PCDH9: variants seen among roughly 807,000 people sequenced by gnomAD.
PCDH9 encodes protocadherin-9.
Under a neutral mutation model 70.6 loss-of-function variants are expected in PCDH9, and 24 were observed. The ratio of observed to expected loss-of-function variants is 0.34; its 90% CI spans 0.25 to 0.48. PCDH9 has a LOEUF of 0.48. PCDH9 is among the 20% of genes least tolerant of loss of function. The pLI, the probability that PCDH9 is intolerant of heterozygous loss-of-function variation, is 0.99. For synonymous variants in PCDH9, 562 were observed against 558.5 expected, an observed-to-expected ratio of 1.01 and a Z score of -0.09; for missense variants, 1,281 against 1,503.6, an observed-to-expected ratio of 0.85 and a Z score of 2.45.
intron 3 of PCDH9, among the ~76,000 whole-genome samples, chr13:66,744,018 T>C (rs912474118): frequency 6.6e-6 from 1 of 152,134 alleles, no homozygotes; most frequent in Non-Finnish European, 1.5e-5. Flanking sequence ...AGGCCATACG[T>C]GCATAAAAAG....
chr13:66,462,197 C>T (rs116821872), intron 4 of PCDH9, among the ~76,000 whole-genome samples: 2,231 of 151,882 alleles, frequency 0.015, 48 homozygotes, highest in African/African-American at 0.05. Flanking sequence ...AAACTGCACA[C>T]AGTGCTATAG....
chr13:66,950,854 A>G (rs1243341340), intron 2 of PCDH9, among the ~76,000 whole-genome samples: 2 of 152,128 alleles, frequency 1.3e-5, no homozygotes, highest in Non-Finnish European at 2.9e-5. Flanking sequence ...TCCATCTGTC[A>G]TATGGCATAG....
At chr13:66,921,309 T>C (rs1035238140) in intron 2 of PCDH9, among the ~76,000 whole-genome samples, 1 of 151,208 alleles carries the variant, frequency 6.6e-6, no homozygotes, top group Non-Finnish European at 1.5e-5. Context: ...ATGGGAACTA[T>C]GCAAGCAGAC....
chr13:67,192,455 G>A (rs1211566278), intron 2 of PCDH9, among the ~76,000 whole-genome samples: 2 of 152,142 alleles, frequency 1.3e-5, no homozygotes, highest in Non-Finnish European at 2.9e-5. Context: ...CTTTTTGGCT[G>A]CATATATATT....
intron 4 of PCDH9, among the ~76,000 whole-genome samples, chr13:66,543,812 A>C (rs2138663799): frequency 6.6e-6 from 1 of 152,294 alleles, no homozygotes. Flanking sequence ...GCTGTGCTAC[A>C]AGAGCTTTGT....
rs183508868 is a variant in PCDH9 at position 67,160,404 on chromosome 13, G to A, written c.3036+65001C>T. ...ACTAAAAATACAAAAAAAATTAGCC[G>A]GGCGTGGTGGCGGGCGCCTGTAGTC... is the stretch of plus-strand genomic sequence containing the variant. On this transcript the variant is annotated intron_variant, in intron 2 of 4. Coordinates refer to ENST00000377865, the MANE Select transcript of PCDH9 (RefSeq NM_203487.3). 1.1e-3 allele frequency among the ~76,000 whole-genome samples: 161 copies of A among 152,056 alleles called. 1 individual carries two copies. Among genetic ancestry groups the A allele is most frequent in the African/African-American group, 3.7e-3 (152 of 41,496 alleles).
At position 66,607,274 on chromosome 13, in the gene PCDH9, A is replaced by G. The variant is rs150775650; in HGVS notation, c.3340+23936T>C. Among the ~76,000 whole-genome samples, 151 of 152,234 alleles carry G rather than the reference A, an allele frequency of 9.9e-4. 4 individuals are homozygous for G. The East Asian group carries it at 0.027, about 28-fold the overall frequency. ...TTCAGTTTTTTCATGTGAAAATGAT[A>G]TGTACTTAATTGATAAGTATGAGAA... is the stretch of plus-strand genomic sequence containing the variant. On this transcript the variant is annotated intron_variant, in intron 4 of 4. Coordinates refer to ENST00000377865, the MANE Select transcript of PCDH9 (RefSeq NM_203487.3).
intron 2 of PCDH9, among the ~76,000 whole-genome samples, chr13:66,961,788 C>T (rs2083350560): frequency 6.6e-6 from 1 of 152,086 alleles, no homozygotes; most frequent in Non-Finnish European, 1.5e-5. Flanking sequence ...TGCGGTGGCT[C>T]ATACCTGTAA....
chr13:67,065,131 C>G (rs2085621834), intron 2 of PCDH9, among the ~76,000 whole-genome samples: 1 of 152,062 alleles, frequency 6.6e-6, no homozygotes, highest in Non-Finnish European at 1.5e-5. Context: ...TGTCAGAAAA[C>G]TAGAGTGAAG....
chr13:66,790,119 T>C (rs2080141168), intron 3 of PCDH9, among the ~76,000 whole-genome samples: 1 of 152,138 alleles, frequency 6.6e-6, no homozygotes, highest in Non-Finnish European at 1.5e-5. Context: ...CTTAACAATG[T>C]AAGACAAATT....
At chr13:66,874,784 G>T (rs916896648) in intron 3 of PCDH9, among the ~76,000 whole-genome samples, 1 of 152,074 alleles carries the variant, frequency 6.6e-6, no homozygotes, top group East Asian at 1.9e-4. Flanking sequence ...AGGCTTGAAG[G>T]CTTCTCTAAA....
Position 67,227,858 on chromosome 13 carries a change from T to C in PCDH9, c.583A>G (p.Thr195Ala). The part of the protein sequence containing the change: ...QSVFGLDIVE[T>A]PEGEKWPQLI... ...TGTGGCCACTTCTCTCCCTCTGGAGTTTCCACGATATCCAGTCCAAAAACA... is the reference window on the plus strand; with the variant it reads ...TGTGGCCACTTCTCTCCCTCTGGAGCTTCCACGATATCCAGTCCAAAAACA... The change falls in exon 2 of 5, where the codon ACT (threonine) becomes GCT (alanine). Residue 195 changes from threonine (T) to alanine (A), a missense_variant. This residue lies in a region of PCDH9 where 798 missense variants were observed against 1,003.1 expected (regional missense o/e 0.80). Coordinates refer to ENST00000377865, the MANE Select transcript of PCDH9 (RefSeq NM_203487.3). The surrounding 1 kb of genome is among the most constrained non-coding windows in gnomAD (Gnocchi z 4.6). The C allele has an allele frequency of 6.2e-7, 1 of 1,613,950 alleles. No individual in the cohort carries two copies. Among genetic ancestry groups the C allele is most frequent in the Non-Finnish European group, 8.5e-7 (1 of 1,179,902 alleles).
intron 4 of PCDH9, among the ~76,000 whole-genome samples, chr13:66,589,109 C>G (rs1364030186): frequency 6.6e-6 from 1 of 151,908 alleles, no homozygotes; most frequent in Non-Finnish European, 1.5e-5. Flanking sequence ...TAAATATGTC[C>G]TATTCTTTAA....
chr13:66,648,743 G>C (rs1462334902), intron 3 of PCDH9, among the ~76,000 whole-genome samples: 2 of 151,930 alleles, frequency 1.3e-5, no homozygotes, highest in Non-Finnish European at 2.9e-5. Context: ...AGGCATCAAG[G>C]ATCAATCCTG....
chr13:66,390,909 G>A (rs908682575), intron 4 of PCDH9, among the ~76,000 whole-genome samples: 3 of 152,058 alleles, frequency 2.0e-5, no homozygotes, highest in Non-Finnish European at 4.4e-5. Flanking sequence ...AGCATGCCAA[G>A]GCAGTTTTCC....
chr13:66,643,530 A>G (rs2077734862), intron 3 of PCDH9, among the ~76,000 whole-genome samples: 2 of 152,034 alleles, frequency 1.3e-5, no homozygotes, highest in Non-Finnish European at 2.9e-5. Flanking sequence ...CTGTCCTTTG[A>G]AAACATTACC....
intron 4 of PCDH9, among the ~76,000 whole-genome samples, chr13:66,433,514 T>C (rs1052482897): frequency 1.3e-5 from 2 of 151,798 alleles, no homozygotes; most frequent in African/African-American, 4.8e-5. Flanking sequence ...CATGCTAATA[T>C]GAACAATTCA....
intron 3 of PCDH9, among the ~76,000 whole-genome samples, chr13:66,898,868 C>G (rs1350449365): frequency 6.6e-6 from 1 of 151,944 alleles, no homozygotes; most frequent in Non-Finnish European, 1.5e-5. Context: ...CCCCGTTGTA[C>G]TCTAGCTATC....
At chr13:66,906,740 C>G (rs2082367529) in intron 2 of PCDH9, among the ~76,000 whole-genome samples, 1 of 151,486 alleles carries the variant, frequency 6.6e-6, no homozygotes, top group South Asian at 2.1e-4. Flanking sequence ...TAACTCAGAG[C>G]AAAATAAAAG....
Sources: allele counts gnomAD v4.1 joint callset (sites outside exome capture counted in the v4.1 genomes callset), GRCh38; gene constraint gnomAD v4.1.1; regional missense constraint gnomAD v4.1.1; non-coding constraint Gnocchi (gnomAD v3.1); transcripts MANE v1.5; gene names NCBI Gene and HGNC (gene_info 2026-07-23, HGNC 2026-07-21).